Variants in SEC13 observed in about 807,000 individuals in gnomAD.
SEC13 encodes the protein protein SEC13 homolog.
In SEC13, 25 loss-of-function variants were observed where a neutral mutation model predicts 49.2. The observed-to-expected ratio is 0.51, with a 90% CI of 0.37 to 0.71. SEC13 has a LOEUF of 0.71. Ranked by LOEUF, SEC13 falls within the 30% of genes least tolerant of loss-of-function variation. The pLI, the probability that SEC13 is intolerant of heterozygous loss-of-function variation, is 0.00. For synonymous variants in SEC13, 148 were observed against 163.9 expected, an observed-to-expected ratio of 0.90 and a Z score of 0.74; for missense variants, 383 against 417.6, an observed-to-expected ratio of 0.92 and a Z score of 0.72.
At chr3:10,305,510 AAAGGGTAG>A in intron 6 of SEC13, 41 bp downstream of exon 6, 1 of 1,599,548 alleles carries the variant, frequency 6.3e-7, no homozygotes, top group South Asian at 1.1e-5. Flanking sequence ...TGAGTAGGGT[AAAGGGTAG>A]AAGTGTCCCC....
At chr3:10,308,332 C>CT (rs1195841087) in intron 5 of SEC13, among the ~76,000 whole-genome samples, 3 of 152,118 alleles carry the variant, frequency 2.0e-5, no homozygotes, top group African/African-American at 4.8e-5. Context: ...CCTTTTTCTT[C>CT]TTTTTTTCAC....
intron 7 of SEC13, 34 bp downstream of exon 7, chr3:10,304,999 A>C (rs1405637001): frequency 7.4e-6 from 12 of 1,613,536 alleles, no homozygotes; most frequent in Non-Finnish European, 1.0e-5. Flanking sequence ...ACTCGAGACT[A>C]AATGACAAGG....
chr3:10,302,486 C>G (rs759979617), intron 8 of SEC13, among the ~76,000 whole-genome samples: 1 of 152,172 alleles, frequency 6.6e-6, no homozygotes. Flanking sequence ...ACGGGCCCCA[C>G]AACACTGCGT....
Position 10,312,665 on chromosome 3 carries a change from C to G in SEC13, c.230G>C (p.Cys77Ser), listed in dbSNP as rs770773088. Residue 77 changes from cysteine (C) to serine (S), a missense_variant, in exon 4 of 9, where the codon TGC becomes TCC. Cys to Ser is a moderately radical substitution (Grantham distance 112, BLOSUM62 -1). Coordinates refer to ENST00000350697, the MANE Select transcript of SEC13 (RefSeq NM_183352.3). ...GATAATGACTTTCCGGTCATAGGAG[C>G]ACGATGCCAGGATGTTGCCGTACAT... ...HPMYGNILAS[C>S]SYDRKVIIWR... 48 of 1,614,084 alleles carry G rather than the reference C, an allele frequency of 3.0e-5. No homozygotes were observed. In the South Asian group the frequency reaches 5.2e-4, roughly 17 times the overall value.
intron 5 of SEC13, among the ~76,000 whole-genome samples, chr3:10,309,031 G>A (rs1393091321): frequency 6.8e-6 from 1 of 147,922 alleles, no homozygotes; most frequent in Non-Finnish European, 1.5e-5. Context: ...TCTGACTCCC[G>A]GGTTCAAGCA....
At chr3:10,304,909 CTGGGCCAA>C in intron 7 of SEC13, 116 bp downstream of exon 7, 1 of 1,448,402 alleles carries the variant, frequency 6.9e-7, no homozygotes, top group Non-Finnish European at 9.5e-7. Flanking sequence ...TCCCTGTGCT[CTGGGCCAA>C]AGGTGCCTGT....
rs34434283 is a variant in SEC13 at position 10,319,761 on chromosome 3, TGAGAGA to T, written c.3+1283_3+1288del. Among the ~76,000 whole-genome samples the T allele has an allele frequency of 4.0e-3, 181 of 45,500 alleles. 1 individual carries two copies. Among genetic ancestry groups the T allele is most frequent in the East Asian group, 0.01 (8 of 788 alleles). The allele number at this position is 45,500 out of a possible 152,430, so 29.8% of individuals were successfully genotyped here. ...AGGGTTGATGAACCACACTTCTGAA[TGAGAGA>T]GAGAGAGAGAGAGAGAGAGAGAGAG... On this transcript the variant is annotated intron_variant, in intron 1 of 8. Transcript: ENST00000350697.
chr3:10,307,937 CTT>C (rs1329412580), intron 5 of SEC13, among the ~76,000 whole-genome samples: 2 of 152,230 alleles, frequency 1.3e-5, no homozygotes, highest in East Asian at 3.9e-4. Flanking sequence ...ATGCTGAAGT[CTT>C]TGTAGTCATT....
intron 8 of SEC13, among the ~76,000 whole-genome samples, chr3:10,302,977 G>A (rs1207535806): frequency 1.3e-5 from 2 of 152,226 alleles, no homozygotes; most frequent in East Asian, 1.9e-4. Flanking sequence ...TAGGTCGCTA[G>A]AGCAGTCACA....
In SEC13 at chr3:10,305,973, C is replaced by G; in HGVS notation, c.451-281G>C. The G allele has an allele frequency of 1.4e-5, 4 of 278,134 alleles. No individual in the cohort carries two copies. In the Middle Eastern group the frequency reaches 4.4e-3, roughly 309 times the overall value. The allele number at this position is 278,134 out of a possible 1,614,324, so 17.2% of individuals were successfully genotyped here. A position where few individuals can be genotyped will look rare whatever the true frequency, so the allele number is the denominator to read the frequency against. On this transcript the variant is annotated intron_variant, in intron 5 of 8. Coordinates refer to ENST00000350697, the MANE Select transcript of SEC13 (RefSeq NM_183352.3). ...CACATGAAAGAATGGTACATTGGAG[C>G]TTTTTTTTAAGAAAAATCTTTTATT...
At position 10,300,973 on chromosome 3, in the gene SEC13, C is replaced by CCCCCCAAATAATGCCTGAA; in HGVS notation, c.*269_*287dup. ...TTATTTAGTTCCTTTGGAAACAAAACCCCCCAAATAATGCCTGAACCCAAA... is the reference window on the plus strand; with the variant it reads ...TTATTTAGTTCCTTTGGAAACAAAACCCCCCAAATAATGCCTGAACCCCCAAATAATGCCTGAACCCAAA... On this transcript the variant is annotated 3_prime_UTR_variant, in exon 9 of 9. Transcript: ENST00000350697. 1 of 1,079,484 alleles carries CCCCCCAAATAATGCCTGAA rather than the reference C, an allele frequency of 9.3e-7. No individual in the cohort carries two copies. The highest frequency in any genetic ancestry group is 1.4e-6 in the Non-Finnish European group (1 of 734,102). The allele number at this position is 1,079,484 out of a possible 1,614,324, so 66.9% of individuals were successfully genotyped here. A position where few individuals can be genotyped will look rare whatever the true frequency, so the allele number is the denominator to read the frequency against.
chr3:10,309,590 T>A (rs3732948), intron 5 of SEC13, among the ~76,000 whole-genome samples: 41,727 of 152,106 alleles, frequency 0.27, 6,385 homozygotes, highest in East Asian at 0.52. Flanking sequence ...TTTTAAAAAG[T>A]TGATTTACAC....
intron 5 of SEC13, among the ~76,000 whole-genome samples, chr3:10,307,357 T>C (rs1190719198): frequency 6.6e-6 from 1 of 151,806 alleles, no homozygotes; most frequent in Non-Finnish European, 1.5e-5. Context: ...TGCAGGTGTG[T>C]GCCACCACGC....
intron 8 of SEC13, among the ~76,000 whole-genome samples, chr3:10,302,788 C>T (rs991762460): frequency 7.9e-5 from 12 of 152,198 alleles, no homozygotes; most frequent in African/African-American, 2.7e-4. Flanking sequence ...AGCCCAGGTG[C>T]CCTTTGGTGG....
chr3:10,306,514 T>A (rs1700887265), intron 5 of SEC13, among the ~76,000 whole-genome samples: 1 of 152,216 alleles, frequency 6.6e-6, no homozygotes, highest in African/African-American at 2.4e-5. Flanking sequence ...TCTAATTCCA[T>A]CCTTTCTTTG....
rs997579547 is a variant in SEC13 at position 10,320,433 on chromosome 3, A to T, written c.3+617T>A. ...AATGTACACTGCAGATGCCACAGAG[A>T]CTTAAAAAACCCTGAGCCCCTGCCT... is the stretch of plus-strand genomic sequence containing the variant. On this transcript the variant is annotated intron_variant, in intron 1 of 8. Coordinates refer to ENST00000350697, the MANE Select transcript of SEC13 (RefSeq NM_183352.3). 8.1e-6 allele frequency: 6 copies of T among 738,026 alleles called. No homozygotes were observed. In the African/African-American group the frequency reaches 1.1e-4, roughly 14 times the overall value. 45.7% of individuals were successfully genotyped at this position (738,026 alleles called of 1,614,324 possible).
rs1373643116 is a variant in SEC13 at position 10,300,942 on chromosome 3, A to ATGAC, written c.*315_*318dup. On this transcript the variant is annotated 3_prime_UTR_variant, in exon 9 of 9. Coordinates refer to ENST00000350697, the MANE Select transcript of SEC13 (RefSeq NM_183352.3). The stretch of plus-strand genomic sequence containing the variant: ...TAACGCAGCAGGAATTATAAGCAAT[A>ATGAC]TGACTTTATTTAGTTCCTTTGGAAA... 2.2e-5 allele frequency: 18 copies of ATGAC among 817,750 alleles called. No individual in the cohort carries two copies. The highest frequency in any genetic ancestry group is 1.7e-4 in the African/African-American group (10 of 58,238). 50.7% of individuals were successfully genotyped at this position (817,750 alleles called of 1,614,324 possible).
chr3:10,314,539 C>T (rs970520301), intron 3 of SEC13, among the ~76,000 whole-genome samples: 3 of 152,182 alleles, frequency 2.0e-5, no homozygotes, highest in African/African-American at 2.4e-5. Context: ...GAAGGAAATG[C>T]TAAATATCAG....
intron 3 of SEC13, among the ~76,000 whole-genome samples, chr3:10,314,391 A>G (rs1001564669): frequency 7.2e-5 from 11 of 152,234 alleles, no homozygotes; most frequent in Admixed American, 2.0e-4. Context: ...TGTAATTTCA[A>G]AGTTGTGATG....
Sources: gnomAD v4.1 joint callset for allele counts (sites outside exome capture counted in the v4.1 genomes callset) on GRCh38, gnomAD v4.1.1 for gene constraint, MANE v1.5 for transcripts, NCBI Gene and HGNC (gene_info 2026-07-23, HGNC 2026-07-21) for gene names.